CADM2: variants seen among roughly 807,000 people sequenced by gnomAD.
The protein encoded by CADM2 is immunoglobulin superfamily member 4D.
Under a neutral mutation model 49.8 loss-of-function variants are expected in CADM2, and 12 were observed. That is an observed-to-expected ratio of 0.24 (90% confidence interval 0.15 to 0.39). The LOEUF is 0.39. Among genes scored for constraint, CADM2 ranks in the 10% least tolerant of loss-of-function variants. The pLI is 1.00. For synonymous variants in CADM2, 214 were observed against 175.4 expected, an observed-to-expected ratio of 1.22 and a Z score of -1.74; for missense variants, 378 against 492.3, an observed-to-expected ratio of 0.77 and a Z score of 2.20.
intron 1 of CADM2, among the ~76,000 whole-genome samples, chr3:85,703,168 A>T (rs954138325): frequency 2.1e-4 from 32 of 152,186 alleles, no homozygotes; most frequent in African/African-American, 7.7e-4. Flanking sequence ...TACAGTTTTC[A>T]TTCAAGTGAA....
At chr3:85,196,055 T>C (rs2041336664) in intron 1 of CADM2, among the ~76,000 whole-genome samples, 1 of 152,132 alleles carries the variant, frequency 6.6e-6, no homozygotes, top group South Asian at 2.1e-4. Context: ...TGGAAAATCT[T>C]TATGCTGGGT....
At chr3:85,646,222 G>C (rs2064879469) in intron 1 of CADM2, among the ~76,000 whole-genome samples, 8 of 151,912 alleles carry the variant, frequency 5.3e-5, no homozygotes, top group Admixed American at 5.3e-4. Context: ...CTGTTTCCTA[G>C]ATGATTGGGT....
chr3:85,948,076 A>G (rs543285149), intron 7 of CADM2, among the ~76,000 whole-genome samples: 30 of 151,676 alleles, frequency 2.0e-4, no homozygotes, highest in African/African-American at 7.0e-4. Flanking sequence ...TTGCTTATAG[A>G]TTTAAAATTT....
chr3:85,255,669 T>C (rs1440057448), intron 1 of CADM2, among the ~76,000 whole-genome samples: 1 of 152,094 alleles, frequency 6.6e-6, no homozygotes, highest in Non-Finnish European at 1.5e-5. Flanking sequence ...GAATTTCATA[T>C]TCAAAATCTT....
At chr3:85,098,269 A>G (rs999167214) in intron 1 of CADM2, among the ~76,000 whole-genome samples, 1 of 152,068 alleles carries the variant, frequency 6.6e-6, no homozygotes, top group Non-Finnish European at 1.5e-5. Flanking sequence ...AAAAAAAAAA[A>G]AAGAAGTATT....
intron 7 of CADM2, among the ~76,000 whole-genome samples, chr3:85,945,105 G>A (rs530317552): frequency 5.3e-5 from 8 of 152,108 alleles, no homozygotes; most frequent in Middle Eastern, 3.4e-3. Context: ...TATCACCACC[G>A]ATCCCACAGA....
chr3:85,584,420 C>T (rs564233548), intron 1 of CADM2, among the ~76,000 whole-genome samples: 37 of 152,086 alleles, frequency 2.4e-4, no homozygotes, highest in African/African-American at 8.2e-4. Context: ...TATTATGCTA[C>T]CCGTTTATCT....
chr3:85,244,601 A>C (rs2042607458), intron 1 of CADM2, among the ~76,000 whole-genome samples: 1 of 152,150 alleles, frequency 6.6e-6, no homozygotes, highest in Non-Finnish European at 1.5e-5. Flanking sequence ...CTCATTTTCC[A>C]AGCTGTGATT....
chr3:85,562,781 C>T (rs973402284), intron 1 of CADM2, among the ~76,000 whole-genome samples: 4 of 152,078 alleles, frequency 2.6e-5, no homozygotes, highest in Non-Finnish European at 4.4e-5. Flanking sequence ...TAATCCTTGC[C>T]TTATTGCACT....
chr3:85,074,823 C>T (rs1252081195), intron 1 of CADM2, among the ~76,000 whole-genome samples: 3 of 151,642 alleles, frequency 2.0e-5, no homozygotes, highest in Non-Finnish European at 4.4e-5. Context: ...CTCACATTTC[C>T]GGGATAGAGA....
chr3:85,110,770 G>A (rs2038425034), intron 1 of CADM2, among the ~76,000 whole-genome samples: 1 of 151,860 alleles, frequency 6.6e-6, no homozygotes, highest in African/African-American at 2.4e-5. Context: ...TGAAGACAGA[G>A]TTGCAATAGA....
Position 86,073,879 on chromosome 3 carries a change from T to C in CADM2, c.*7096T>C, listed in dbSNP as rs1703411927. On this transcript the variant is annotated 3_prime_UTR_variant, in exon 10 of 10. Transcript: ENST00000383699. Reference sequence around the variant, plus strand: ...CCCATTTTCTTTGTAAATTTCTAAGTGGAAGTTTTAAAAATTAAGCATCAG... The same window carrying C: ...CCCATTTTCTTTGTAAATTTCTAAGCGGAAGTTTTAAAAATTAAGCATCAG... 1 of 151,974 alleles carries C rather than the reference T, an allele frequency of 6.6e-6. No individual in the cohort carries two copies. The highest frequency in any genetic ancestry group is 6.6e-5 in the Admixed American group (1 of 15,246). The allele number at this position is 151,974 out of a possible 1,614,324, so 9.4% of individuals were successfully genotyped here.
At chr3:85,705,016 G>T (rs1180539804) in intron 1 of CADM2, among the ~76,000 whole-genome samples, 1 of 146,538 alleles carries the variant, frequency 6.8e-6, no homozygotes, top group Non-Finnish European at 1.5e-5. Flanking sequence ...CCACCACCAC[G>T]CCTGGCTAAA....
chr3:85,809,747 T>C lies in CADM2; in HGVS notation c.238+7551T>C, dbSNP rs867442358. 6.4e-4 allele frequency among the ~76,000 whole-genome samples: 63 copies of C among 97,906 alleles called. 1 individual carries two copies. Among genetic ancestry groups the C allele is most frequent in the African/African-American group, 3.0e-3 (62 of 20,748 alleles). The allele number at this position is 97,906 out of a possible 152,430, so 64.2% of individuals were successfully genotyped here. ...TCCTTCCCTCCCTCCCTCCCTCCTCTCTCCCTCCCTCCCTCCCTCTCTCTC... is the reference window on the plus strand; with the variant it reads ...TCCTTCCCTCCCTCCCTCCCTCCTCCCTCCCTCCCTCCCTCCCTCTCTCTC... On this transcript the variant is annotated intron_variant, in intron 3 of 9. Transcript: ENST00000383699.
intron 1 of CADM2, among the ~76,000 whole-genome samples, chr3:85,096,394 G>A (rs992025383): frequency 6.6e-6 from 1 of 151,202 alleles, no homozygotes; most frequent in Non-Finnish European, 1.5e-5. Flanking sequence ...TCCTTAAAAT[G>A]TACCCATTCT....
At chr3:85,563,316 T>C (rs1453603159) in intron 1 of CADM2, among the ~76,000 whole-genome samples, 1 of 151,004 alleles carries the variant, frequency 6.6e-6, no homozygotes, top group African/African-American at 2.4e-5. Context: ...TGATAGTAAA[T>C]CACTTACTTA....
At chr3:84,994,975 A>G (rs1023592607) in intron 1 of CADM2, among the ~76,000 whole-genome samples, 4 of 152,102 alleles carry the variant, frequency 2.6e-5, no homozygotes, top group African/African-American at 9.7e-5. Context: ...GGTTTCAGTC[A>G]GCCGAAATTG....
At chr3:85,879,174 G>T (rs1712365971) in intron 3 of CADM2, among the ~76,000 whole-genome samples, 2 of 151,744 alleles carry the variant, frequency 1.3e-5, no homozygotes, top group African/African-American at 2.4e-5. Flanking sequence ...ACAAATTTGT[G>T]CCCTACTACT....
chr3:86,070,100 G>A lies in CADM2; in HGVS notation c.*3317G>A, dbSNP rs1424670629. On this transcript the variant is annotated 3_prime_UTR_variant, in exon 10 of 10. Coordinates refer to ENST00000383699, the MANE Select transcript of CADM2 (RefSeq NM_001167675.2). ...ATATTGGAGTTTAATCTAGAAACTG[G>A]ATGATCTCATATTGATTCATGATGC... is the stretch of plus-strand genomic sequence containing the variant. The A allele has an allele frequency of 6.6e-6, 1 of 151,948 alleles. No homozygotes were observed. Among genetic ancestry groups the A allele is most frequent in the African/African-American group, 2.4e-5 (1 of 41,420 alleles). 9.4% of individuals were successfully genotyped at this position (151,948 alleles called of 1,614,324 possible).
Sources: gnomAD v4.1 joint callset for allele counts (sites outside exome capture counted in the v4.1 genomes callset) on GRCh38, gnomAD v4.1.1 for gene constraint, MANE v1.5 for transcripts, NCBI Gene and HGNC (gene_info 2026-07-23, HGNC 2026-07-21) for gene names.